The following CTNNA3 variants were observed in gnomAD, a reference collection of about 807,000 sequenced individuals.
CTNNA3 encodes the protein catenin alpha-3.
In CTNNA3, 76 loss-of-function variants were observed where a neutral mutation model predicts 95.7. The ratio of observed to expected loss-of-function variants is 0.79; its 90% CI spans 0.66 to 0.96. The LOEUF is 0.96. CTNNA3 is among the 40% of genes least tolerant of loss of function. The probability of loss-of-function intolerance (pLI) is 0.00; values close to 1 mark genes in which losing one functional copy is unlikely to be tolerated. For missense variants in CTNNA3, 1,191 were observed against 1,089.8 expected (o/e 1.09, Z -1.31); for synonymous variants, 431 against 374.4 (o/e 1.15, Z -1.74).
intron 13 of CTNNA3, among the ~76,000 whole-genome samples, chr10:66,182,643 A>C: frequency 1.3e-5 from 2 of 152,142 alleles, no homozygotes; most frequent in South Asian, 4.1e-4. Context: ...ACGGCATTCC[A>C]ATGTGTGGAA....
chr10:67,492,118 G>C (rs116139489), intron 5 of CTNNA3, among the ~76,000 whole-genome samples: 1,790 of 152,096 alleles, frequency 0.012, 29 homozygotes, highest in African/African-American at 0.035. Flanking sequence ...AGTATACAGA[G>C]GGTGTAGGGG....
chr10:66,891,609 T>G (rs1845272298), intron 7 of CTNNA3, among the ~76,000 whole-genome samples: 2 of 152,182 alleles, frequency 1.3e-5, no homozygotes, highest in South Asian at 4.1e-4. Flanking sequence ...TTCCATGATT[T>G]CATTTTATTT....
chr10:66,490,919 C>T (rs1289575082), intron 11 of CTNNA3, among the ~76,000 whole-genome samples: 3 of 152,194 alleles, frequency 2.0e-5, no homozygotes, highest in Non-Finnish European at 4.4e-5. Flanking sequence ...AACCTTTTCA[C>T]TTTTCATTTT....
intron 15 of CTNNA3, among the ~76,000 whole-genome samples, chr10:65,996,874 A>C (rs1239368866): frequency 5.3e-5 from 8 of 152,102 alleles, no homozygotes; most frequent in Admixed American, 2.0e-4. Context: ...TCTGTCTTAG[A>C]TGCTGTATTC....
intron 17 of CTNNA3, among the ~76,000 whole-genome samples, chr10:65,929,396 C>G (rs191159452): frequency 6.6e-6 from 1 of 152,244 alleles, no homozygotes; most frequent in Non-Finnish European, 1.5e-5. Context: ...ATTCTAAATA[C>G]AAAGCCTGGG....
chr10:66,445,752 C>A (rs1354559090), intron 11 of CTNNA3, among the ~76,000 whole-genome samples: 1 of 150,542 alleles, frequency 6.6e-6, no homozygotes, highest in African/African-American at 2.5e-5. Context: ...CCTAACATCA[C>A]AATTAAAAGA....
chr10:67,180,349 G>C lies in CTNNA3; in HGVS notation c.1015C>G (p.Leu339Val). Residue 339 changes from leucine to valine, a missense_variant, in exon 7 of 18, where the codon CTT (leucine) becomes GTT (valine). Transcript: ENST00000433211. Reference protein sequence around the residue: ...IAECNAIRQALQDLLSEYMNN... With the variant: ...IAECNAIRQAVQDLLSEYMNN... ...ATGTACTCTGAAAGCAGATCCTGAA[G>C]AGCCTGGCGAATGGCGTTGCATTCT... The C allele has an allele frequency of 6.2e-7, 1 of 1,613,658 alleles. No individual in the cohort carries two copies. Among genetic ancestry groups the C allele is most frequent in the South Asian group, 1.1e-5 (1 of 91,074 alleles).
intron 16 of CTNNA3, among the ~76,000 whole-genome samples, chr10:65,984,750 C>T (rs767373398): frequency 2.0e-5 from 3 of 150,786 alleles, no homozygotes; most frequent in Non-Finnish European, 4.5e-5. Flanking sequence ...TCAAAATAAA[C>T]AGAAAAAAAT....
At chr10:66,047,952 A>C (rs1340439482) in intron 15 of CTNNA3, among the ~76,000 whole-genome samples, 1 of 152,198 alleles carries the variant, frequency 6.6e-6, no homozygotes, top group Non-Finnish European at 1.5e-5. Flanking sequence ...GAGAATTACA[A>C]AAGCTGCTTA....
At chr10:66,715,161 A>G (rs1199921419) in intron 9 of CTNNA3, among the ~76,000 whole-genome samples, 2 of 152,236 alleles carry the variant, frequency 1.3e-5, no homozygotes, top group East Asian at 3.9e-4. Context: ...ACTTACTTAC[A>G]GCCTATTCCA....
At chr10:67,420,033 A>C (rs1383230514) in intron 5 of CTNNA3, among the ~76,000 whole-genome samples, 1 of 152,004 alleles carries the variant, frequency 6.6e-6, no homozygotes, top group African/African-American at 2.4e-5. Context: ...TGTATTTTTA[A>C]TAGAGACGGG....
chr10:67,033,385 T>C (rs1407578995), intron 7 of CTNNA3, among the ~76,000 whole-genome samples: 1 of 152,164 alleles, frequency 6.6e-6, no homozygotes, highest in Non-Finnish European at 1.5e-5. Flanking sequence ...GATGCTTCTC[T>C]CCCATCAATT....
At chr10:67,270,066 T>C (rs531066499) in intron 5 of CTNNA3, among the ~76,000 whole-genome samples, 1 of 150,884 alleles carries the variant, frequency 6.6e-6, no homozygotes, top group South Asian at 2.1e-4. Flanking sequence ...TATAAATCGC[T>C]CTGAGTACTA....
chr10:67,231,971 A>G (rs1283145703), intron 5 of CTNNA3, among the ~76,000 whole-genome samples: 1 of 152,202 alleles, frequency 6.6e-6, no homozygotes, highest in Non-Finnish European at 1.5e-5. Context: ...AAAAAGAATA[A>G]AAAGAAACGA....
Position 66,168,453 on chromosome 10 carries a change from A to C in CTNNA3, c.1885-65204T>G, listed in dbSNP as rs542284601. Among the ~76,000 whole-genome samples the C allele has an allele frequency of 2.7e-4, 41 of 152,228 alleles. No individual in the cohort carries two copies. In the South Asian group the frequency reaches 7.2e-3, roughly 27 times the overall value. ...TATGGCTTACTGTACACTATCGTTC[A>C]GTGGTTTTTTTCTGTTCATTGAGCA... is the stretch of plus-strand genomic sequence containing the variant. On this transcript the variant is annotated intron_variant, in intron 13 of 17. Coordinates refer to ENST00000433211, the MANE Select transcript of CTNNA3 (RefSeq NM_013266.4).
rs375514286 is a variant in CTNNA3 at position 66,911,453 on chromosome 10, A to C, written c.1048-135929T>G. On this transcript the variant is annotated intron_variant, in intron 7 of 17. Coordinates refer to ENST00000433211, the MANE Select transcript of CTNNA3 (RefSeq NM_013266.4). The stretch of plus-strand genomic sequence containing the variant: ...CTTTCTATTTAACAAAACAGATTTT[A>C]AGTCCTAGTGGTCTAGTTAAATCTA... Among the ~76,000 whole-genome samples, 42 of 152,320 alleles carry C rather than the reference A, an allele frequency of 2.8e-4. No individual in the cohort carries two copies. The East Asian group carries it at 7.7e-3, about 28-fold the overall frequency.
intron 12 of CTNNA3, among the ~76,000 whole-genome samples, chr10:66,378,938 G>A (rs911545216): frequency 1.4e-4 from 21 of 152,040 alleles, no homozygotes; most frequent in Middle Eastern, 3.2e-3. Flanking sequence ...TTTATATAAC[G>A]CATATATTTA....
intron 7 of CTNNA3, among the ~76,000 whole-genome samples, chr10:66,808,917 TG>T (rs1279512042): frequency 6.6e-6 from 1 of 152,180 alleles, no homozygotes; most frequent in African/African-American, 2.4e-5. Context: ...AATCTTCAAG[TG>T]TATATTTAAA....
chr10:67,204,196 C>T (rs1863782753), intron 6 of CTNNA3, among the ~76,000 whole-genome samples: 2 of 152,084 alleles, frequency 1.3e-5, no homozygotes, highest in East Asian at 1.9e-4. Context: ...ATACGCACGT[C>T]CCCACCCCAA....
Sources: allele counts gnomAD v4.1 joint callset (sites outside exome capture counted in the v4.1 genomes callset), GRCh38; gene constraint gnomAD v4.1.1; transcripts MANE v1.5; gene names NCBI Gene and HGNC (gene_info 2026-07-23, HGNC 2026-07-21).